The following PLEKHA5 variants were observed in gnomAD, a reference collection of about 807,000 sequenced individuals.
PLEKHA5 encodes the protein pleckstrin homology domain containing A5.
In PLEKHA5, 55 loss-of-function variants were observed where a neutral mutation model predicts 181.9. The observed-to-expected ratio is 0.30, with a 90% CI of 0.24 to 0.38. PLEKHA5 has a LOEUF of 0.38. PLEKHA5 is among the 10% of genes least tolerant of loss of function. The pLI is 1.00. For missense variants in PLEKHA5, 1,432 were observed against 1,549.5 expected, an observed-to-expected ratio of 0.92 and a Z score of 1.27; for synonymous variants, 535 against 529.4, an observed-to-expected ratio of 1.01 and a Z score of -0.15.
chr12:19,274,650 C>T lies in PLEKHA5; in HGVS notation c.980C>T (p.Ala327Val). ...KEMSKIEEKK[A>V]LEAEKYGFQK... Reference sequence around the variant, plus strand: ...ATGAGCAAAATTGAAGAAAAAAAGGCATTAGAAGCTGAAAAATATGGATTT... The same window carrying T: ...ATGAGCAAAATTGAAGAAAAAAAGGTATTAGAAGCTGAAAAATATGGATTT... The change falls in exon 11 of 32, where the codon GCA becomes GTA. Residue 327 changes from alanine to valine, a missense_variant. Ala to Val is a moderately conservative substitution (Grantham distance 64, BLOSUM62 0). Transcript: ENST00000429027. The T allele has an allele frequency of 1.9e-6, 3 of 1,613,302 alleles. No homozygotes were observed. Among genetic ancestry groups the T allele is most frequent in the Non-Finnish European group, 2.5e-6 (3 of 1,179,416 alleles).
chr12:19,315,303 T>A (rs1418373976), intron 16 of PLEKHA5, among the ~76,000 whole-genome samples: 6 of 152,154 alleles, frequency 3.9e-5, no homozygotes. Context: ...TCCCCCAACC[T>A]AGTGTTTTAA....
intron 4 of PLEKHA5, among the ~76,000 whole-genome samples, 194 bp downstream of exon 4, chr12:19,254,217 A>G (rs892590307): frequency 3.3e-5 from 5 of 152,194 alleles, no homozygotes; most frequent in Non-Finnish European, 7.3e-5. Context: ...ATGTAATTTC[A>G]GAAGCTGTTT....
At chr12:19,193,014 C>CT (rs2051587070) in intron 3 of PLEKHA5, among the ~76,000 whole-genome samples, 1 of 152,150 alleles carries the variant, frequency 6.6e-6, no homozygotes, top group Non-Finnish European at 1.5e-5. Context: ...TTTTGACAGA[C>CT]TGTTGGGTCC....
At chr12:19,317,665 T>C (rs2089348197) in intron 16 of PLEKHA5, among the ~76,000 whole-genome samples, 1 of 151,956 alleles carries the variant, frequency 6.6e-6, no homozygotes, top group South Asian at 2.1e-4. Context: ...GAAGTTGAAT[T>C]TTAATTAACA....
chr12:19,285,158 G>A (rs2076956368), intron 12 of PLEKHA5, among the ~76,000 whole-genome samples: 1 of 152,164 alleles, frequency 6.6e-6, no homozygotes, highest in African/African-American at 2.4e-5. Flanking sequence ...TCGTAACAAA[G>A]TTCAGTGTTT....
At chr12:19,185,831 CTAAT>C (rs1342119312) in intron 3 of PLEKHA5, among the ~76,000 whole-genome samples, 1 of 152,148 alleles carries the variant, frequency 6.6e-6, no homozygotes, top group Non-Finnish European at 1.5e-5. Context: ...TAGCCATTAA[CTAAT>C]TAATAACACA....
chr12:19,217,370 C>T (rs1415388169), intron 3 of PLEKHA5, among the ~76,000 whole-genome samples: 1 of 152,090 alleles, frequency 6.6e-6, no homozygotes, highest in Non-Finnish European at 1.5e-5. Flanking sequence ...AATATTTAGG[C>T]ACCAAGGAGT....
Position 19,133,445 on chromosome 12 carries a change from A to G in PLEKHA5, c.227+995A>G, listed in dbSNP as rs541432156. On this transcript the variant is annotated intron_variant, in intron 3 of 31. Coordinates refer to ENST00000429027, the MANE Select transcript of PLEKHA5 (RefSeq NM_001256470.2). Reference sequence around the variant, plus strand: ...TTCTTTAATTTTAATAAACTGAGACATGAAAGAGAATGCTGAAATGCCAAA... The same window carrying G: ...TTCTTTAATTTTAATAAACTGAGACGTGAAAGAGAATGCTGAAATGCCAAA... Among the ~76,000 whole-genome samples the G allele has an allele frequency of 3.3e-5, 5 of 152,114 alleles. No individual in the cohort carries two copies. The South Asian group carries it at 6.2e-4, about 19-fold the overall frequency.
intron 3 of PLEKHA5, among the ~76,000 whole-genome samples, chr12:19,239,879 G>A (rs1411378900): frequency 6.6e-6 from 1 of 152,038 alleles, no homozygotes; most frequent in African/African-American, 2.4e-5. Flanking sequence ...TTTGTATTTT[G>A]TTTATGGTTA....
intron 10 of PLEKHA5, among the ~76,000 whole-genome samples, chr12:19,272,486 C>T (rs1425216916): frequency 2.0e-5 from 3 of 151,992 alleles, no homozygotes; most frequent in Admixed American, 6.6e-5. Context: ...CGCTTGTAAC[C>T]CCAATAATGT....
intron 15 of PLEKHA5, among the ~76,000 whole-genome samples, chr12:19,292,133 C>T (rs370568418): frequency 1.3e-5 from 2 of 152,298 alleles, no homozygotes; most frequent in South Asian, 2.1e-4. Context: ...TGGCTGGATG[C>T]AATGGCTCAT....
intron 30 of PLEKHA5, among the ~76,000 whole-genome samples, chr12:19,366,420 C>T (rs577755368): frequency 3.9e-5 from 6 of 152,134 alleles, no homozygotes; most frequent in East Asian, 3.9e-4. Flanking sequence ...TTTGGGAGGC[C>T]GAGGCAGGTG....
intron 3 of PLEKHA5, among the ~76,000 whole-genome samples, chr12:19,184,691 T>C (rs1037848976): frequency 1.4e-4 from 21 of 152,290 alleles, no homozygotes; most frequent in Non-Finnish European, 2.5e-4. Flanking sequence ...TGATGTTTGT[T>C]TTGAATATTT....
intron 3 of PLEKHA5, among the ~76,000 whole-genome samples, chr12:19,143,469 A>G (rs2038014584): frequency 6.6e-6 from 1 of 152,180 alleles, no homozygotes; most frequent in African/African-American, 2.4e-5. Flanking sequence ...TAAGGAGTAT[A>G]AAGATGGAGA....
chr12:19,206,797 C>T (rs2055650550), intron 3 of PLEKHA5, among the ~76,000 whole-genome samples: 1 of 152,218 alleles, frequency 6.6e-6, no homozygotes, highest in Non-Finnish European at 1.5e-5. Context: ...TGACAGGACT[C>T]AAGAAATCTA....
At chr12:19,233,568 T>A (rs2060953432) in intron 3 of PLEKHA5, among the ~76,000 whole-genome samples, 1 of 152,182 alleles carries the variant, frequency 6.6e-6, no homozygotes, top group African/African-American at 2.4e-5. Flanking sequence ...TAAGCCTGTT[T>A]ACTAGAGTGA....
chr12:19,322,167 A>G (rs577964305), intron 18 of PLEKHA5, 143 bp from the exon 19 acceptor site: 16 of 602,508 alleles, frequency 2.7e-5, no homozygotes, highest in African/African-American at 2.2e-4. Flanking sequence ...TTGCATGCCT[A>G]TTTTTTAAGG....
intron 10 of PLEKHA5, among the ~76,000 whole-genome samples, chr12:19,271,655 G>A (rs2072835977): frequency 6.6e-6 from 1 of 152,026 alleles, no homozygotes; most frequent in African/African-American, 2.4e-5. Context: ...ATTTCAGCAT[G>A]TTTCTACTTT....
At chr12:19,326,030 AAAATAAAAT>A (rs2092019828) in intron 20 of PLEKHA5, among the ~76,000 whole-genome samples, 1 of 151,896 alleles carries the variant, frequency 6.6e-6, no homozygotes, top group South Asian at 2.1e-4. Flanking sequence ...TAAATAAAAT[AAAATAAAAT>A]AAATAAAATA....
Sources: allele counts gnomAD v4.1 joint callset (sites outside exome capture counted in the v4.1 genomes callset), GRCh38; gene constraint gnomAD v4.1.1; transcripts MANE v1.5; gene names NCBI Gene and HGNC (gene_info 2026-07-23, HGNC 2026-07-21).